PCDHGA7: variants seen among roughly 807,000 people sequenced by gnomAD.
PCDHGA7 encodes the protein protocadherin gamma subfamily A, 7, also known as protocadherin gamma-A7.
Under a neutral mutation model 58.3 loss-of-function variants are expected in PCDHGA7, and 44 were observed. That is an observed-to-expected ratio of 0.75 (90% CI 0.59 to 0.97). The LOEUF is 0.97. Among genes scored for constraint, PCDHGA7 ranks in the 50% least tolerant of loss-of-function variants. The pLI is 0.00. For synonymous variants in PCDHGA7, 516 were observed against 504.2 expected, an observed-to-expected ratio of 1.02 and a Z score of -0.31; for missense variants, 1,266 against 1,188.7, an observed-to-expected ratio of 1.06 and a Z score of -0.96.
rs763451417 is a variant in PCDHGA7, at chr5:141,408,628, T to G, written c.2424+23305T>G. On this transcript the variant is annotated intron_variant, in intron 1 of 3. Transcript: ENST00000518325. The stretch of plus-strand genomic sequence containing the variant: ...ATAAAAAGGAAATACATTTAGAAAT[T>G]TTCGAATCTGCATCCGCTGGTACAC... The G allele has an allele frequency of 3.7e-6, 6 of 1,613,920 alleles. No individual in the cohort carries two copies. In the Admixed American group the frequency reaches 1.0e-4, roughly 27 times the overall value.
chr5:141,422,928 C>T lies in PCDHGA7; in HGVS notation c.2424+37605C>T, dbSNP rs781145334. 4 of 1,614,128 alleles carry T rather than the reference C, an allele frequency of 2.5e-6. No individual in the cohort carries two copies. In the African/African-American group the frequency reaches 4.0e-5, roughly 16 times the overall value. On this transcript the variant is annotated intron_variant, in intron 1 of 3. Transcript: ENST00000518325. ...ATGCGCCCGAGATCCTGTACCCTGC[C>T]CTCCCCACAGACGGCTCCACTGGCG...
At position 141,422,164 on chromosome 5, in the gene PCDHGA7, T is replaced by C. The variant is rs2096630287; in HGVS notation, c.2424+36841T>C. 2 of 1,568,668 alleles carry C rather than the reference T, an allele frequency of 1.3e-6. No homozygotes were observed. Among genetic ancestry groups the C allele is most frequent in the Non-Finnish European group, 1.7e-6 (2 of 1,162,894 alleles). On this transcript the variant is annotated intron_variant, in intron 1 of 3. Coordinates refer to ENST00000518325, the MANE Select transcript of PCDHGA7 (RefSeq NM_018920.4). ...ACGGGGGTCTCTGGATTTTGAAAAA[T>C]ATAGATTCTATGAGATGGAAATTCA... is the stretch of plus-strand genomic sequence containing the variant.
At chr5:141,403,094 A>G in intron 1 of PCDHGA7, 1 of 1,614,064 alleles carries the variant, frequency 6.2e-7, no homozygotes, top group Non-Finnish European at 8.5e-7. Flanking sequence ...TGTGGGCAAC[A>G]TCTCCAAGGA....
intron 1 of PCDHGA7, chr5:141,418,608 G>A (rs1265400499): frequency 6.2e-7 from 1 of 1,614,040 alleles, no homozygotes; most frequent in Admixed American, 1.7e-5. Flanking sequence ...TACAGGGTTA[G>A]CCTTCGGGAA....
intron 1 of PCDHGA7, chr5:141,395,395 T>TA: frequency 1.1e-6 from 1 of 906,424 alleles, no homozygotes; most frequent in Non-Finnish European, 1.6e-6. Flanking sequence ...AATTGAACTC[T>TA]AATAGTCATA....
rs199658498 is a variant in PCDHGA7 at position 141,394,428 on chromosome 5, G to C, written c.2424+9105G>C. 4 of 1,614,114 alleles carry C rather than the reference G, an allele frequency of 2.5e-6. No individual in the cohort carries two copies. In the East Asian group the frequency reaches 6.7e-5, roughly 27 times the overall value. ...ACTGGTAACAGCCAGCGACAGCGGGGACCCGCCCCTCAGCAGCAACATGTC... is the reference window on the plus strand; with the variant it reads ...ACTGGTAACAGCCAGCGACAGCGGGCACCCGCCCCTCAGCAGCAACATGTC... On this transcript the variant is annotated intron_variant, in intron 1 of 3. Coordinates refer to ENST00000518325, the MANE Select transcript of PCDHGA7 (RefSeq NM_018920.4).
chr5:141,488,175 T>C (rs889217562), intron 1 of PCDHGA7, among the ~76,000 whole-genome samples: 1 of 152,168 alleles, frequency 6.6e-6, no homozygotes, highest in Non-Finnish European at 1.5e-5. Context: ...AGTGGTGGCA[T>C]AGATCTTTTG....
intron 1 of PCDHGA7, among the ~76,000 whole-genome samples, chr5:141,448,274 T>G (rs2098579713): frequency 6.6e-6 from 1 of 152,196 alleles, no homozygotes; most frequent in South Asian, 2.1e-4. Context: ...TATATACTGT[T>G]GTGCAACTTG....
chr5:141,501,013 C>A (rs1456343329), intron 2 of PCDHGA7, among the ~76,000 whole-genome samples: 6 of 151,970 alleles, frequency 3.9e-5, no homozygotes, highest in Non-Finnish European at 8.8e-5. Flanking sequence ...GGACTACAGG[C>A]ACGCGCCACC....
rs553104661 is a variant in PCDHGA7 at position 141,460,009 on chromosome 5, C to T, written c.2425-34798C>T. ...AGGAGAATCGCTTGAACCCAGGAGG[C>T]GGAGGTTGCAGTGAGCCGAGACTGC... On this transcript the variant is annotated intron_variant, in intron 1 of 3. Coordinates refer to ENST00000518325, the MANE Select transcript of PCDHGA7 (RefSeq NM_018920.4). 9.9e-4 allele frequency among the ~76,000 whole-genome samples: 150 copies of T among 152,212 alleles called. 1 individual carries two copies. The highest frequency in any genetic ancestry group is 3.4e-3 in the Middle Eastern group (1 of 294).
chr5:141,392,268 A>G (rs2150475407), intron 1 of PCDHGA7: 1 of 152,374 alleles, frequency 6.6e-6, no homozygotes, highest in South Asian at 2.1e-4. Context: ...GACATTTACA[A>G]TAAAGCTTAG....
chr5:141,442,818 C>A (rs553817796), intron 1 of PCDHGA7, among the ~76,000 whole-genome samples: 1 of 151,882 alleles, frequency 6.6e-6, no homozygotes, highest in Non-Finnish European at 1.5e-5. Context: ...TGTACTGATC[C>A]AAAAATAAGG....
chr5:141,419,809 A>G (rs1181621732), intron 1 of PCDHGA7: 2 of 1,613,916 alleles, frequency 1.2e-6, no homozygotes, highest in African/African-American at 2.7e-5. Flanking sequence ...GAGATGGAGG[A>G]CAGCCACCCC....
chr5:141,387,614 T>C (rs2091011587), intron 1 of PCDHGA7: 9 of 565,798 alleles, frequency 1.6e-5, no homozygotes, highest in Non-Finnish European at 2.8e-5. Flanking sequence ...TGTAGTTTCC[T>C]AGTGCTGACT....
intron 1 of PCDHGA7, chr5:141,403,479 A>G: frequency 1.2e-6 from 2 of 1,613,848 alleles, no homozygotes; most frequent in Non-Finnish European, 1.7e-6. Flanking sequence ...AGCCCCAATC[A>G]CCACTTCTCC....
chr5:141,421,572 G>T, intron 1 of PCDHGA7: 1 of 1,613,954 alleles, frequency 6.2e-7, no homozygotes, highest in Admixed American at 1.7e-5. Flanking sequence ...AAGACACCTT[G>T]AAGATTTACG....
chr5:141,431,190 A>G lies in PCDHGA7; in HGVS notation c.2424+45867A>G, dbSNP rs1363655439. 1 of 1,614,228 alleles carries G rather than the reference A, an allele frequency of 6.2e-7. No homozygotes were observed. Among genetic ancestry groups the G allele is most frequent in the Non-Finnish European group, 8.5e-7 (1 of 1,180,038 alleles). ...AGTGAATTAGAAATAAAAATTAGTGAAAATGCAGCCACTGAGATGCGGTTC... is the reference window on the plus strand; with the variant it reads ...AGTGAATTAGAAATAAAAATTAGTGGAAATGCAGCCACTGAGATGCGGTTC... On this transcript the variant is annotated intron_variant, in intron 1 of 3. Transcript: ENST00000518325. This position sits in a 1 kb window ranked among gnomAD's most constrained non-coding sequence, Gnocchi z 4.8.
At chr5:141,451,926 T>G (rs994841982) in intron 1 of PCDHGA7, among the ~76,000 whole-genome samples, 5 of 151,122 alleles carry the variant, frequency 3.3e-5, no homozygotes, top group Non-Finnish European at 7.4e-5. Context: ...GGAAGGGAGG[T>G]AGGGAGGCAG....
chr5:141,423,782 C>A (rs1458189260), intron 1 of PCDHGA7: 2 of 1,243,328 alleles, frequency 1.6e-6, no homozygotes, highest in Non-Finnish European at 1.0e-6. Context: ...ATATTTAGTT[C>A]ATATATATTT....
Sources: gnomAD v4.1 joint callset for allele counts (sites outside exome capture counted in the v4.1 genomes callset) on GRCh38, gnomAD v4.1.1 for gene constraint, Gnocchi (gnomAD v3.1) non-coding constraint, MANE v1.5 for transcripts, NCBI Gene and HGNC (gene_info 2026-07-23, HGNC 2026-07-21) for gene names.